Variants in SMARCA2 observed in about 807,000 individuals in gnomAD.
SMARCA2 encodes SWI/SNF-related matrix-associated actin-dependent regulator of chromatin subfamily A member 2.
Under a neutral mutation model 199.8 loss-of-function variants are expected in SMARCA2, and 61 were observed. The observed-to-expected ratio is 0.31, with a 90% confidence interval of 0.25 to 0.38. SMARCA2 has a LOEUF of 0.38. Ranked by LOEUF, SMARCA2 falls within the 10% of genes least tolerant of loss-of-function variation. SMARCA2 has a pLI of 1.00. For missense variants in SMARCA2, 1,344 were observed against 2,012.2 expected (o/e 0.67, Z 6.35); for synonymous variants, 935 against 732.0 (o/e 1.28, Z -4.48).
At chr9:2,078,963 T>G (rs796448477) in intron 14 of SMARCA2, among the ~76,000 whole-genome samples, 48 of 151,754 alleles carry the variant, frequency 3.2e-4, no homozygotes, top group African/African-American at 1.1e-3. Context: ...AATAAATAAA[T>G]AAAAATAAAA....
At chr9:2,124,571 A>G (rs113603015) in intron 27 of SMARCA2, among the ~76,000 whole-genome samples, 3,562 of 152,262 alleles carry the variant, frequency 0.023, 146 homozygotes, top group African/African-American at 0.081. Context: ...ATGTGTCTAC[A>G]TGCTCGATTT....
rs774218586 is a variant in SMARCA2, at chr9:2,110,812, G to A, written c.3456+395G>A. Reference sequence around the variant, plus strand: ...TGGGCATTTTTTCATTCAGTTTTACGACAACCCTGTCAGACGGTTAATATG... The same window carrying A: ...TGGGCATTTTTTCATTCAGTTTTACAACAACCCTGTCAGACGGTTAATATG... On this transcript the variant is annotated intron_variant, in intron 24 of 33. Transcript: ENST00000349721. This position sits in a 1 kb window ranked among gnomAD's most constrained non-coding sequence, Gnocchi z 4.8. Among the ~76,000 whole-genome samples the A allele has an allele frequency of 3.7e-4, 56 of 152,132 alleles. No homozygotes were observed. Among genetic ancestry groups the A allele is most frequent in the Admixed American group, 2.0e-4 (3 of 15,274 alleles).
At chr9:2,168,737 T>A (rs1167503971) in intron 28 of SMARCA2, among the ~76,000 whole-genome samples, 1 of 152,248 alleles carries the variant, frequency 6.6e-6, no homozygotes, top group African/African-American at 2.4e-5. Flanking sequence ...TTTGTTGCTT[T>A]GTTTTAGGGT....
intron 1 of SMARCA2, among the ~76,000 whole-genome samples, chr9:2,025,284 G>C (rs183793723): frequency 6.6e-6 from 1 of 152,058 alleles, no homozygotes; most frequent in Non-Finnish European, 1.5e-5. Context: ...GGGAGTCCTG[G>C]TCTGGGGGAG....
chr9:2,167,496 G>A (rs971978554), intron 28 of SMARCA2, among the ~76,000 whole-genome samples: 1 of 152,212 alleles, frequency 6.6e-6, no homozygotes, highest in Non-Finnish European at 1.5e-5. Context: ...GATGGAGGAG[G>A]CAGGAGATAC....
At chr9:2,139,526 C>A (rs1356024575) in intron 27 of SMARCA2, among the ~76,000 whole-genome samples, 2 of 152,172 alleles carry the variant, frequency 1.3e-5, no homozygotes, top group Admixed American at 1.3e-4. Flanking sequence ...AACATTTGTT[C>A]TGCAAGAGAA....
rs749281827 is a variant in SMARCA2 at position 2,186,161 on chromosome 9, G to C, written c.4527G>C (p.Glu1509Asp). The change falls in exon 32 of 34, where the codon GAG becomes GAC. Residue 1509 changes from glutamate to aspartate, a missense_variant. By Grantham distance (45) the Glu-to-Asp change is conservative. Around this residue, in one of 18 missense-constraint regions of SMARCA2, gnomAD observed 155 missense variants for 121.1 expected, o/e 1.28. Transcript: ENST00000349721. ...GTGCCCGGCAGAAAATTGCCAAAGA[G>C]GAAGAGAGTGAGGATGAAAGCAATG... The part of the protein sequence containing the change: ...FKSARQKIAK[E>D]EESEDESNEE... The C allele has an allele frequency of 1.9e-6, 3 of 1,613,936 alleles. No individual in the cohort carries two copies. The highest frequency in any genetic ancestry group is 1.3e-5 in the African/African-American group (1 of 74,914).
At chr9:2,139,632 A>G (rs1440892167) in intron 27 of SMARCA2, among the ~76,000 whole-genome samples, 1 of 149,826 alleles carries the variant, frequency 6.7e-6, no homozygotes, top group Non-Finnish European at 1.5e-5. Context: ...CTCCATTTTT[A>G]TAATCACTAC....
intron 18 of SMARCA2, 68 bp from the exon 19 acceptor site, chr9:2,088,432 A>G: frequency 1.3e-6 from 2 of 1,513,518 alleles, no homozygotes; most frequent in Non-Finnish European, 1.8e-6. Flanking sequence ...CATATGTAAC[A>G]TAAAGCTTTA....
At chr9:2,035,747 G>C (rs1819300949) in intron 3 of SMARCA2, among the ~76,000 whole-genome samples, 1 of 152,084 alleles carries the variant, frequency 6.6e-6, no homozygotes, top group African/African-American at 2.4e-5. Context: ...TAAATGCAAA[G>C]GTCTGCATTA....
chr9:2,191,249 A>G lies in SMARCA2; in HGVS notation c.4595-17A>G, dbSNP rs981083461. The stretch of plus-strand genomic sequence containing the variant: ...GTGATTACTCACTGGTGTCTATTTC[A>G]TTTGCTTTGGTTTTAGCAAAATCAG... On this transcript the variant is annotated splice_polypyrimidine_tract_variant and intron_variant, in intron 32 of 33. Transcript: ENST00000349721. The G allele has an allele frequency of 4.3e-6, 7 of 1,612,868 alleles. No homozygotes were observed. Among genetic ancestry groups the G allele is most frequent in the East Asian group, 4.5e-5 (2 of 44,880 alleles).
At chr9:2,078,289 T>A (rs538835231) in intron 14 of SMARCA2, among the ~76,000 whole-genome samples, 8 of 151,942 alleles carry the variant, frequency 5.3e-5, no homozygotes, top group African/African-American at 1.4e-4. Context: ...CTGGCCAACA[T>A]GGTGAAACCC....
At chr9:2,140,114 T>C (rs911691457) in intron 27 of SMARCA2, among the ~76,000 whole-genome samples, 5 of 152,216 alleles carry the variant, frequency 3.3e-5, no homozygotes, top group Non-Finnish European at 7.3e-5. Flanking sequence ...TCAGCAGTTC[T>C]GCATAGACCA....
At chr9:2,143,388 C>G (rs544996532) in intron 27 of SMARCA2, among the ~76,000 whole-genome samples, 1 of 152,290 alleles carries the variant, frequency 6.6e-6, no homozygotes, top group African/African-American at 2.4e-5. Flanking sequence ...AGAAAGAGTT[C>G]AAAGCCTGAG....
At chr9:2,186,654 T>G (rs932599603) in intron 32 of SMARCA2, among the ~76,000 whole-genome samples, 3 of 151,906 alleles carry the variant, frequency 2.0e-5, no homozygotes, top group Non-Finnish European at 4.4e-5. Flanking sequence ...GCCTCCCGAG[T>G]AGCTGGAATT....
chr9:2,177,476 A>G (rs955453738), intron 29 of SMARCA2, among the ~76,000 whole-genome samples: 1 of 152,128 alleles, frequency 6.6e-6, no homozygotes, highest in African/African-American at 2.4e-5. Flanking sequence ...ACCATAAAAG[A>G]CCCTCACTAA....
chr9:2,044,479 G>A (rs566136950), intron 4 of SMARCA2: 1 of 152,354 alleles, frequency 6.6e-6, no homozygotes, highest in South Asian at 2.1e-4. Context: ...CTTTTGCCAT[G>A]TGGTTTTTCT....
chr9:2,140,617 C>G (rs911990765), intron 27 of SMARCA2, among the ~76,000 whole-genome samples: 1 of 152,074 alleles, frequency 6.6e-6, no homozygotes, highest in African/African-American at 2.4e-5. Flanking sequence ...GTCATAAAAG[C>G]TAATGAAAAA....
intron 1 of SMARCA2, among the ~76,000 whole-genome samples, chr9:2,019,195 A>C (rs1470052029): frequency 6.6e-6 from 1 of 151,790 alleles, no homozygotes; most frequent in Non-Finnish European, 1.5e-5. Flanking sequence ...GGCATCAGAG[A>C]GATGCCATTT....
Sources: gnomAD v4.1 joint callset for allele counts (sites outside exome capture counted in the v4.1 genomes callset) on GRCh38, gnomAD v4.1.1 for gene constraint, gnomAD v4.1.1 regional missense constraint, Gnocchi (gnomAD v3.1) non-coding constraint, MANE v1.5 for transcripts, NCBI Gene and HGNC (gene_info 2026-07-23, HGNC 2026-07-21) for gene names.